LSAMP: variants seen among roughly 807,000 people sequenced by gnomAD.
The protein encoded by LSAMP is limbic system-associated membrane protein.
Under a neutral mutation model 38.6 loss-of-function variants are expected in LSAMP, and 7 were observed. That is an observed-to-expected ratio of 0.18 (90% CI 0.10 to 0.34). The LOEUF (loss-of-function observed/expected upper bound fraction) is 0.34. Ranked by LOEUF, LSAMP falls within the 10% of genes least tolerant of loss-of-function variation. The pLI, the probability that LSAMP is intolerant of heterozygous loss-of-function variation, is 1.00. For missense variants in LSAMP, 313 were observed against 420.0 expected (o/e 0.75, Z 2.23); for synonymous variants, 154 against 166.8 (o/e 0.92, Z 0.59).
intron 3 of LSAMP, among the ~76,000 whole-genome samples, chr3:115,884,446 T>C (rs1306682288): frequency 3.3e-5 from 5 of 152,052 alleles, no homozygotes; most frequent in South Asian, 4.1e-4. Context: ...AAATGTAAAA[T>C]AGACATTAAA....
At chr3:115,872,251 A>T (rs1349293345) in intron 3 of LSAMP, among the ~76,000 whole-genome samples, 1 of 152,158 alleles carries the variant, frequency 6.6e-6, no homozygotes, top group Non-Finnish European at 1.5e-5. Flanking sequence ...ATGGATCAAC[A>T]GCATTTCTAC....
intron 1 of LSAMP, among the ~76,000 whole-genome samples, chr3:116,181,982 G>T (rs573125168): frequency 6.6e-6 from 1 of 151,980 alleles, no homozygotes; most frequent in South Asian, 2.1e-4. Flanking sequence ...GAACAGTCAT[G>T]GAAGAAAACT....
At chr3:116,315,844 C>T (rs1475898371) in intron 1 of LSAMP, among the ~76,000 whole-genome samples, 2 of 152,150 alleles carry the variant, frequency 1.3e-5, no homozygotes, top group East Asian at 3.8e-4. Flanking sequence ...GGAACACTAA[C>T]TCCAGAATTT....
At chr3:116,052,694 G>A (rs796939225) in intron 2 of LSAMP, among the ~76,000 whole-genome samples, 22 of 152,260 alleles carry the variant, frequency 1.4e-4, no homozygotes, top group African/African-American at 5.1e-4. Flanking sequence ...CAGGCATTTG[G>A]GCTCAATTAC....
intron 1 of LSAMP, among the ~76,000 whole-genome samples, chr3:116,391,868 G>A (rs2048704712): frequency 6.6e-6 from 1 of 152,072 alleles, no homozygotes. Context: ...TCTCTGCCTG[G>A]GAAGAGGTTC....
At chr3:116,277,215 A>G (rs2047066704) in intron 1 of LSAMP, among the ~76,000 whole-genome samples, 1 of 152,232 alleles carries the variant, frequency 6.6e-6, no homozygotes, top group Non-Finnish European at 1.5e-5. Context: ...GCATGGGCTG[A>G]TATTACCTAA....
chr3:116,360,287 T>G (rs1397857354), intron 1 of LSAMP, among the ~76,000 whole-genome samples: 3 of 90,488 alleles, frequency 3.3e-5, no homozygotes, highest in Admixed American at 1.1e-4. Flanking sequence ...ACCCGAATAT[T>G]GCGCTTTTCA....
At chr3:116,387,024 C>T (rs1295552727) in intron 1 of LSAMP, among the ~76,000 whole-genome samples, 3 of 152,056 alleles carry the variant, frequency 2.0e-5, no homozygotes, top group Non-Finnish European at 4.4e-5. Context: ...GAGTCAAGGA[C>T]AACAGTGGCA....
rs569587606 is a variant in LSAMP, at chr3:116,037,864, A to G, written c.389-18224T>C. Among the ~76,000 whole-genome samples, 12 of 152,228 alleles carry G rather than the reference A, an allele frequency of 7.9e-5. No individual in the cohort carries two copies. In the South Asian group the frequency reaches 2.5e-3, roughly 32 times the overall value. ...ATATGACAAGATTGTACTCAACTTCAGTGGTATAAGCTTATTCTGTTTAGA... is the reference window on the plus strand; with the variant it reads ...ATATGACAAGATTGTACTCAACTTCGGTGGTATAAGCTTATTCTGTTTAGA... On this transcript the variant is annotated intron_variant, in intron 2 of 6. Transcript: ENST00000490035.
intron 1 of LSAMP, among the ~76,000 whole-genome samples, chr3:116,336,675 C>T (rs977823384): frequency 7.2e-5 from 11 of 151,848 alleles, no homozygotes; most frequent in South Asian, 2.1e-4. Context: ...AATTGGAACC[C>T]TTGGGTACTG....
At chr3:116,429,755 G>A (rs1292088009) in intron 1 of LSAMP, among the ~76,000 whole-genome samples, 2 of 152,140 alleles carry the variant, frequency 1.3e-5, no homozygotes, top group African/African-American at 4.8e-5. Context: ...GATAACACAG[G>A]CCTTGGAGTA....
intron 3 of LSAMP, among the ~76,000 whole-genome samples, chr3:115,994,168 C>A (rs1007090380): frequency 6.6e-6 from 1 of 152,054 alleles, no homozygotes; most frequent in South Asian, 2.1e-4. Flanking sequence ...ATGGCATCAG[C>A]TCTTCAACTC....
chr3:115,871,639 CAA>C (rs140068350), intron 3 of LSAMP, among the ~76,000 whole-genome samples: 30,659 of 149,378 alleles, frequency 0.21, 3,814 homozygotes, highest in African/African-American at 0.33. Flanking sequence ...GACAGAGAGA[CAA>C]AGAGAGAGAG....
At chr3:116,330,958 C>G (rs200394981) in intron 1 of LSAMP, among the ~76,000 whole-genome samples, 15 of 151,772 alleles carry the variant, frequency 9.9e-5, no homozygotes, top group African/African-American at 3.4e-4. Flanking sequence ...GCAGATTTAC[C>G]TGACAAAGAC....
intron 1 of LSAMP, among the ~76,000 whole-genome samples, chr3:116,146,804 T>TA (rs1709500732): frequency 6.6e-6 from 1 of 151,868 alleles, no homozygotes; most frequent in Admixed American, 6.6e-5. Flanking sequence ...ATCAATTTGG[T>TA]AAAAGTTGTA....
chr3:116,104,950 G>A (rs1046091365), intron 1 of LSAMP, among the ~76,000 whole-genome samples: 7 of 152,184 alleles, frequency 4.6e-5, no homozygotes, highest in African/African-American at 1.7e-4. Flanking sequence ...GCCATGGCAG[G>A]AGCACAGCGG....
intron 1 of LSAMP, among the ~76,000 whole-genome samples, chr3:116,187,973 A>G (rs1710663167): frequency 6.6e-6 from 1 of 151,906 alleles, no homozygotes; most frequent in Non-Finnish European, 1.5e-5. Context: ...AGGCCCCAGG[A>G]TGTTTTGTTC....
At chr3:115,932,325 T>C (rs1937592842) in intron 3 of LSAMP, among the ~76,000 whole-genome samples, 1 of 152,220 alleles carries the variant, frequency 6.6e-6, no homozygotes, top group African/African-American at 2.4e-5. Context: ...TTTTAACTTT[T>C]ACATTACACT....
intron 3 of LSAMP, among the ~76,000 whole-genome samples, chr3:115,989,927 C>T (rs1939619403): frequency 1.3e-5 from 2 of 151,950 alleles, no homozygotes; most frequent in Non-Finnish European, 2.9e-5. Flanking sequence ...TGACACTTAA[C>T]AAATGATCAG....
Sources: allele counts gnomAD v4.1 joint callset (sites outside exome capture counted in the v4.1 genomes callset), GRCh38; gene constraint gnomAD v4.1.1; transcripts MANE v1.5; gene names NCBI Gene and HGNC (gene_info 2026-07-23, HGNC 2026-07-21).